ATF6: variants seen among roughly 807,000 people sequenced by gnomAD.
The protein encoded by ATF6 is activating transcription factor 6.
Under a neutral mutation model 83.6 loss-of-function variants are expected in ATF6, and 53 were observed. That is an observed-to-expected ratio of 0.63 (90% CI 0.51 to 0.80). The LOEUF is 0.80. Among genes scored for constraint, ATF6 ranks in the 30% least tolerant of loss-of-function variants. The pLI, the probability that ATF6 is intolerant of heterozygous loss-of-function variation, is 0.00. For missense variants in ATF6, 744 were observed against 797.9 expected (o/e 0.93, Z 0.81); for synonymous variants, 288 against 285.8 (o/e 1.01, Z -0.08).
At position 161,904,653 on chromosome 1, in the gene ATF6, CTGAA is replaced by C. The variant is rs938005345; in HGVS notation, c.1720-7640_1720-7637del. Among the ~76,000 whole-genome samples, 75 of 150,996 alleles carry C rather than the reference CTGAA, an allele frequency of 5.0e-4. 3 individuals carry two copies. Among genetic ancestry groups the C allele is most frequent in the Admixed American group, 4.9e-3 (74 of 15,164 alleles). ...CACACACACACACACACACACAAAA[CTGAA>C]TGGAAACTGAGAACTTACTGTTCTA... is the stretch of plus-strand genomic sequence containing the variant. On this transcript the variant is annotated intron_variant, in intron 14 of 15. Transcript: ENST00000367942.
chr1:161,807,284 G>GA (rs1045270354), intron 7 of ATF6, among the ~76,000 whole-genome samples: 1 of 152,098 alleles, frequency 6.6e-6, no homozygotes, highest in Non-Finnish European at 1.5e-5. Flanking sequence ...TTCTATTTCA[G>GA]AAAAAAAGCA....
intron 7 of ATF6, among the ~76,000 whole-genome samples, chr1:161,803,155 A>G (rs1038298398): frequency 8.5e-5 from 13 of 152,202 alleles, no homozygotes; most frequent in African/African-American, 2.9e-4. Flanking sequence ...CCTGTGGGTT[A>G]TGCAAGGTTG....
At chr1:161,837,255 C>G (rs1033665214) in intron 9 of ATF6, among the ~76,000 whole-genome samples, 3 of 152,148 alleles carry the variant, frequency 2.0e-5, no homozygotes, top group Non-Finnish European at 4.4e-5. Context: ...GACTTCTAGG[C>G]AGTTTGCCAT....
rs1039839256 is a variant in ATF6 at position 161,963,837 on chromosome 1, G to T, written c.*5183G>T. The T allele has an allele frequency of 6.6e-6, 1 of 152,122 alleles. No homozygotes were observed. The highest frequency in any genetic ancestry group is 1.5e-5 in the Non-Finnish European group (1 of 68,050). The allele number at this position is 152,122 out of a possible 1,614,324, so 9.4% of individuals were successfully genotyped here. A position where few individuals can be genotyped will look rare whatever the true frequency, so the allele number is the denominator to read the frequency against. On this transcript the variant is annotated 3_prime_UTR_variant, in exon 16 of 16. Transcript: ENST00000367942. Reference sequence around the variant, plus strand: ...TCATCCATGGAGCCATTAGAACTGAGGGGGGAGTGTTAGAGATGCCATTTC... The same window carrying T: ...TCATCCATGGAGCCATTAGAACTGATGGGGGAGTGTTAGAGATGCCATTTC...
intron 9 of ATF6, among the ~76,000 whole-genome samples, chr1:161,829,223 G>A (rs1016207082): frequency 4.6e-5 from 5 of 107,732 alleles, no homozygotes; most frequent in African/African-American, 1.0e-4. Flanking sequence ...TTGGTGAGAC[G>A]GAGTCTAGCT....
intron 12 of ATF6, among the ~76,000 whole-genome samples, chr1:161,855,255 C>T (rs1381568166): frequency 6.6e-6 from 1 of 152,054 alleles, no homozygotes; most frequent in Non-Finnish European, 1.5e-5. Flanking sequence ...TGTTGTGGTC[C>T]ATACTGGTGT....
At chr1:161,916,096 A>C (rs1203093421) in intron 15 of ATF6, among the ~76,000 whole-genome samples, 1 of 152,012 alleles carries the variant, frequency 6.6e-6, no homozygotes, top group Non-Finnish European at 1.5e-5. Context: ...TTGCCATTTC[A>C]CTTCATGAAA....
At position 161,805,831 on chromosome 1, in the gene ATF6, A is replaced by G. The variant is rs1426837208; in HGVS notation, c.909+3559A>G. ...CCACCAAAAAAAAAAAAATCATATC[A>G]GTTTTTTTGTGGCTTTGTAATGCTG... On this transcript the variant is annotated intron_variant, in intron 7 of 15. Coordinates refer to ENST00000367942, the MANE Select transcript of ATF6 (RefSeq NM_007348.4). 7.2e-5 allele frequency among the ~76,000 whole-genome samples: 11 copies of G among 151,740 alleles called. No homozygotes were observed. In the East Asian group the frequency reaches 1.9e-3, roughly 27 times the overall value.
chr1:161,930,190 G>A (rs939217089), intron 15 of ATF6, among the ~76,000 whole-genome samples: 1 of 152,148 alleles, frequency 6.6e-6, no homozygotes. Flanking sequence ...CTTATTTTTT[G>A]ATGACAGTAC....
chr1:161,802,734 T>G (rs1383259095), intron 7 of ATF6, among the ~76,000 whole-genome samples: 2 of 152,222 alleles, frequency 1.3e-5, no homozygotes, highest in Non-Finnish European at 2.9e-5. Context: ...CACCACTTCA[T>G]AATGATGACT....
intron 15 of ATF6, among the ~76,000 whole-genome samples, chr1:161,925,819 A>C (rs1356304794): frequency 6.6e-6 from 1 of 152,234 alleles, no homozygotes; most frequent in African/African-American, 2.4e-5. Flanking sequence ...ATGAACACAC[A>C]GTGAAATTTG....
rs1689103043 is a variant in ATF6 at position 161,961,656 on chromosome 1, A to G, written c.*3002A>G. 1 of 151,674 alleles carries G rather than the reference A, an allele frequency of 6.6e-6. No individual in the cohort carries two copies. The highest frequency in any genetic ancestry group is 1.5e-5 in the Non-Finnish European group (1 of 67,980). The allele number at this position is 151,674 out of a possible 1,614,324, so 9.4% of individuals were successfully genotyped here. On this transcript the variant is annotated 3_prime_UTR_variant, in exon 16 of 16. Coordinates refer to ENST00000367942, the MANE Select transcript of ATF6 (RefSeq NM_007348.4). The stretch of plus-strand genomic sequence containing the variant: ...AATGTGTGTATTTTTTTATTTATTA[A>G]ATTTTAAACAGGATTGTGCAAGCTT...
At chr1:161,944,349 G>T (rs1157849931) in intron 15 of ATF6, among the ~76,000 whole-genome samples, 5 of 152,150 alleles carry the variant, frequency 3.3e-5, no homozygotes. Flanking sequence ...ATAAACCCAG[G>T]TGTTTCTGGG....
intron 8 of ATF6, among the ~76,000 whole-genome samples, chr1:161,820,349 A>G (rs1458410980): frequency 2.0e-5 from 3 of 152,298 alleles, no homozygotes; most frequent in African/African-American, 7.2e-5. Context: ...CTTGGCCCTG[A>G]GTACATGGGA....
chr1:161,879,223 T>C (rs1416156211), intron 14 of ATF6, among the ~76,000 whole-genome samples: 1 of 152,124 alleles, frequency 6.6e-6, no homozygotes, highest in Non-Finnish European at 1.5e-5. Flanking sequence ...TGTCATCAGC[T>C]GAAAGTAAGG....
chr1:161,854,072 G>A (rs899032625), intron 12 of ATF6, among the ~76,000 whole-genome samples: 6 of 152,182 alleles, frequency 3.9e-5, no homozygotes, highest in African/African-American at 9.7e-5. Context: ...ACACAAAGCA[G>A]CATAGGAGGT....
intron 7 of ATF6, among the ~76,000 whole-genome samples, chr1:161,814,730 C>G (rs950590599): frequency 1.3e-4 from 20 of 151,986 alleles, no homozygotes; most frequent in African/African-American, 4.6e-4. Flanking sequence ...CTCTTTTTTT[C>G]TGCTTTAAAC....
chr1:161,816,521 G>A (rs1875762), intron 7 of ATF6, among the ~76,000 whole-genome samples: 40,200 of 152,100 alleles, frequency 0.26, 8,956 homozygotes, highest in African/African-American at 0.61. Flanking sequence ...AGTATCACTG[G>A]ACTTGGAGTC....
chr1:161,826,220 G>T (rs1480704616), intron 9 of ATF6, among the ~76,000 whole-genome samples: 1 of 152,076 alleles, frequency 6.6e-6, no homozygotes, highest in East Asian at 1.9e-4. Flanking sequence ...GGGTTAGGGG[G>T]GACATCTCAT....
Sources: gnomAD v4.1 joint callset for allele counts (sites outside exome capture counted in the v4.1 genomes callset) on GRCh38, gnomAD v4.1.1 for gene constraint, MANE v1.5 for transcripts, NCBI Gene and HGNC (gene_info 2026-07-23, HGNC 2026-07-21) for gene names.